The following PLEKHG1 variants were observed in gnomAD, a reference collection of about 807,000 sequenced individuals.
PLEKHG1 encodes the protein pleckstrin homology domain-containing family G member 1.
In PLEKHG1, 44 loss-of-function variants were observed where a neutral mutation model predicts 100.8. That is an observed-to-expected ratio of 0.44 (90% confidence interval 0.34 to 0.56). The LOEUF is 0.56. Ranked by LOEUF, PLEKHG1 falls within the 20% of genes least tolerant of loss-of-function variation. PLEKHG1 has a pLI of 0.01. For missense variants in PLEKHG1, 1,545 were observed against 1,720.9 expected, an observed-to-expected ratio of 0.90 and a Z score of 1.81; for synonymous variants, 640 against 662.5, an observed-to-expected ratio of 0.97 and a Z score of 0.52.
At chr6:150,697,115 A>G (rs1406264290) in intron 3 of PLEKHG1, among the ~76,000 whole-genome samples, 1 of 151,664 alleles carries the variant, frequency 6.6e-6, no homozygotes, top group Admixed American at 6.6e-5. Context: ...AAAAAAGAAG[A>G]AGAAGAAGAA....
At chr6:150,743,892 A>G (rs1562480985) in intron 2 of PLEKHG1, among the ~76,000 whole-genome samples, 1 of 152,126 alleles carries the variant, frequency 6.6e-6, no homozygotes. Context: ...TTATCTTGGT[A>G]GCATTCTGAA....
intron 1 of PLEKHG1, among the ~76,000 whole-genome samples, chr6:150,633,867 A>C (rs1383243525): frequency 1.3e-5 from 2 of 152,190 alleles, no homozygotes; most frequent in Non-Finnish European, 2.9e-5. Flanking sequence ...TGAATGGCCG[A>C]GATGGAGAGT....
chr6:150,807,758 T>G (rs1682625855), intron 7 of PLEKHG1, among the ~76,000 whole-genome samples: 1 of 151,920 alleles, frequency 6.6e-6, no homozygotes. Context: ...CACCCGAGAT[T>G]GGGAGTTTGA....
chr6:150,799,734 C>A (rs926757921), intron 5 of PLEKHG1, among the ~76,000 whole-genome samples: 1 of 152,162 alleles, frequency 6.6e-6, no homozygotes, highest in South Asian at 2.1e-4. Context: ...GGTTTAATTA[C>A]GAAACTTCCA....
chr6:150,760,851 T>C (rs1366820161), intron 2 of PLEKHG1, among the ~76,000 whole-genome samples: 4 of 152,100 alleles, frequency 2.6e-5, no homozygotes, highest in Non-Finnish European at 4.4e-5. Flanking sequence ...AAAATAAATA[T>C]TTAACAAGGC....
Position 150,779,348 on chromosome 6 carries a change from T to TTTTTTTTTTTTTTG in PLEKHG1, c.513-7029_513-7028insGTTTTTTTTTTTTT, listed in dbSNP as rs1562511403. Among the ~76,000 whole-genome samples the TTTTTTTTTTTTTTG allele has an allele frequency of 4.5e-4, 33 of 73,134 alleles. 2 individuals are homozygous for TTTTTTTTTTTTTTG. The highest frequency in any genetic ancestry group is 2.3e-3 in the African/African-American group (21 of 9,232). 48.0% of individuals were successfully genotyped at this position (73,134 alleles called of 152,430 possible). A position where few individuals can be genotyped will look rare whatever the true frequency, so the allele number is the denominator to read the frequency against. On this transcript the variant is annotated intron_variant, in intron 3 of 15. Transcript: ENST00000358517. ...GGGGTTAAATATTGTCAAGAAGTTT[T>TTTTTTTTTTTTTTG]TTTTTTTTTTTTTTTGAGACAGAGT... is the stretch of plus-strand genomic sequence containing the variant.
At chr6:150,626,381 G>A (rs1026649521) in intron 1 of PLEKHG1, among the ~76,000 whole-genome samples, 3 of 152,176 alleles carry the variant, frequency 2.0e-5, no homozygotes, top group Non-Finnish European at 4.4e-5. Context: ...TCCTGAAGGA[G>A]AACTCGCCAT....
At chr6:150,764,243 G>C (rs938054851) in intron 2 of PLEKHG1, among the ~76,000 whole-genome samples, 1 of 151,392 alleles carries the variant, frequency 6.6e-6, no homozygotes, top group Non-Finnish European at 1.5e-5. Flanking sequence ...TCAGCCTCCC[G>C]AGTAGCTGAG....
intron 1 of PLEKHG1, among the ~76,000 whole-genome samples, chr6:150,629,261 C>T (rs1490235812): frequency 6.6e-6 from 1 of 152,032 alleles, no homozygotes; most frequent in Non-Finnish European, 1.5e-5. Flanking sequence ...TCGGATATAC[C>T]CTAAAGAAAT....
intron 3 of PLEKHG1, among the ~76,000 whole-genome samples, chr6:150,694,843 C>T (rs906615735): frequency 1.4e-4 from 21 of 152,088 alleles, no homozygotes; most frequent in African/African-American, 5.1e-4. Flanking sequence ...CTAGTCAATT[C>T]CTAGTAACTG....
At chr6:150,744,711 A>C (rs1297178650) in intron 2 of PLEKHG1, among the ~76,000 whole-genome samples, 1 of 152,194 alleles carries the variant, frequency 6.6e-6, no homozygotes, top group Non-Finnish European at 1.5e-5. Flanking sequence ...GACATCCCTC[A>C]GTGTCACCCT....
chr6:150,746,497 T>G (rs1331379674), intron 2 of PLEKHG1, among the ~76,000 whole-genome samples: 1 of 152,172 alleles, frequency 6.6e-6, no homozygotes, highest in Non-Finnish European at 1.5e-5. Context: ...TAATAAAAAC[T>G]GCCACAAATA....
chr6:150,795,163 C>A (rs1040335574), intron 4 of PLEKHG1, among the ~76,000 whole-genome samples: 1 of 151,790 alleles, frequency 6.6e-6, no homozygotes, highest in East Asian at 1.9e-4. Context: ...CTGAGGCAGG[C>A]GGATAACTTG....
rs777438256 is a variant in PLEKHG1, at chr6:150,831,617, G to A, written c.2506G>A (p.Asp836Asn). The A allele has an allele frequency of 3.1e-6, 5 of 1,614,068 alleles. No individual in the cohort carries two copies. The highest frequency in any genetic ancestry group is 4.2e-6 in the Non-Finnish European group (5 of 1,180,012). ...ATCTGATAAACTGTCCGAAGAAGTAGATGAAATCTGGAATGACCTGGAAAA... is the reference window on the plus strand; with the variant it reads ...ATCTGATAAACTGTCCGAAGAAGTAAATGAAATCTGGAATGACCTGGAAAA... The change falls in exon 15 of 16, where the codon GAT (aspartate) becomes AAT (asparagine). Residue 836 changes from aspartate to asparagine, a missense_variant. Asp to Asn is a conservative substitution (Grantham distance 23, BLOSUM62 1). Transcript: ENST00000358517. The surrounding 1 kb of genome is among the most constrained non-coding windows in gnomAD (Gnocchi z 4.1).
exon 5 of PLEKHG1, chr6:150,795,892 A>G: frequency 6.2e-7 from 1 of 1,602,880 alleles, no homozygotes; most frequent in Non-Finnish European, 8.5e-7. Flanking sequence ...GTATTGCACT[A>G]ACTATCCAAG....
At chr6:150,709,043 G>A (rs778098344) in intron 3 of PLEKHG1, among the ~76,000 whole-genome samples, 11 of 152,170 alleles carry the variant, frequency 7.2e-5, no homozygotes, top group Non-Finnish European at 1.3e-4. Flanking sequence ...GCCACAGAAG[G>A]AATTACAGGG....
exon 16 of PLEKHG1, chr6:150,842,842 T>G (rs1777588230): frequency 6.6e-6 from 1 of 152,162 alleles, no homozygotes; most frequent in South Asian, 2.1e-4. Flanking sequence ...GCCTCTTGAA[T>G]AGCTGGGATT....
chr6:150,695,613 A>G (rs930766037), intron 3 of PLEKHG1, among the ~76,000 whole-genome samples: 1 of 152,218 alleles, frequency 6.6e-6, no homozygotes, highest in Admixed American at 6.5e-5. Flanking sequence ...CCCATCTTTC[A>G]AACGGGAACA....
intron 2 of PLEKHG1, among the ~76,000 whole-genome samples, chr6:150,768,367 TG>T (rs1328498478): frequency 6.6e-6 from 1 of 152,226 alleles, no homozygotes; most frequent in Non-Finnish European, 1.5e-5. Context: ...ATTGGCACTA[TG>T]GTCATTGTAG....
Sources: allele counts gnomAD v4.1 joint callset (sites outside exome capture counted in the v4.1 genomes callset), GRCh38; gene constraint gnomAD v4.1.1; non-coding constraint Gnocchi (gnomAD v3.1); transcripts MANE v1.5; gene names NCBI Gene and HGNC (gene_info 2026-07-23, HGNC 2026-07-21).